The following APBB1IP variants were observed in gnomAD, a reference collection of about 807,000 sequenced individuals.
The protein encoded by APBB1IP is amyloid beta precursor protein binding family B member 1 interacting protein.
APBB1IP carries 27 observed loss-of-function variants against 64.9 expected under a neutral mutation model. The observed-to-expected ratio is 0.42, with a 90% confidence interval of 0.31 to 0.57. APBB1IP has a LOEUF of 0.57. Among genes scored for constraint, APBB1IP ranks in the 20% least tolerant of loss-of-function variants. The pLI, the probability that APBB1IP is intolerant of heterozygous loss-of-function variation, is 0.20. For missense variants in APBB1IP, 812 were observed against 845.5 expected (o/e 0.96, Z 0.49); for synonymous variants, 392 against 331.0 (o/e 1.18, Z -2.00).
intron 2 of APBB1IP, among the ~76,000 whole-genome samples, chr10:26,461,196 G>C (rs7076518): frequency 0.4 from 60,053 of 151,772 alleles, 11,985 homozygotes; most frequent in South Asian, 0.5. Flanking sequence ...AGGAAGGGAA[G>C]GAGGGAGGGA....
chr10:26,517,704 C>T (rs1366455134), intron 8 of APBB1IP, among the ~76,000 whole-genome samples: 1 of 152,218 alleles, frequency 6.6e-6, no homozygotes, highest in Non-Finnish European at 1.5e-5. Context: ...CATGCTATTG[C>T]CCATAGCACT....
chr10:26,442,215 C>G (rs1369214913), intron 2 of APBB1IP, among the ~76,000 whole-genome samples: 1 of 152,120 alleles, frequency 6.6e-6, no homozygotes, highest in East Asian at 1.9e-4. Context: ...AGAAGGAAAC[C>G]AAGCAAAGAA....
At chr10:26,444,214 T>C (rs1037248549) in intron 2 of APBB1IP, among the ~76,000 whole-genome samples, 10 of 151,994 alleles carry the variant, frequency 6.6e-5, no homozygotes, top group African/African-American at 2.4e-4. Flanking sequence ...CCCCTGTAGT[T>C]AGAGGTAAAT....
chr10:26,501,266 A>G, intron 5 of APBB1IP, 155 bp downstream of exon 5: 1 of 1,094,944 alleles, frequency 9.1e-7, no homozygotes, highest in Non-Finnish European at 1.3e-6. Flanking sequence ...CAAAGCTAGA[A>G]CCCTCCGTAA....
chr10:26,524,943 C>CTTTTTTTTTT (rs1309902109), intron 8 of APBB1IP, among the ~76,000 whole-genome samples: 1 of 64,234 alleles, frequency 1.6e-5, no homozygotes, highest in East Asian at 6.8e-4. Flanking sequence ...TTTTCTTTCT[C>CTTTTTTTTTT]TTTCTTTCTT....
intron 2 of APBB1IP, among the ~76,000 whole-genome samples, chr10:26,470,077 A>T (rs150365881): frequency 1.3e-5 from 2 of 152,212 alleles, no homozygotes; most frequent in African/African-American, 2.4e-5. Flanking sequence ...TGGATCTAAT[A>T]GTCCCTGACT....
intron 10 of APBB1IP, among the ~76,000 whole-genome samples, chr10:26,540,613 T>G (rs1247952410): frequency 6.6e-6 from 1 of 152,152 alleles, no homozygotes; most frequent in African/African-American, 2.4e-5. Flanking sequence ...TACAAGCATA[T>G]GTAAAGAAAT....
chr10:26,537,550 C>T (rs973856340), intron 10 of APBB1IP, among the ~76,000 whole-genome samples: 4 of 152,036 alleles, frequency 2.6e-5, no homozygotes, highest in South Asian at 4.1e-4. Flanking sequence ...AATTTGTTTT[C>T]GAAATGTTTA....
chr10:26,524,006 A>G (rs983891199), intron 8 of APBB1IP, among the ~76,000 whole-genome samples: 7 of 152,134 alleles, frequency 4.6e-5, no homozygotes, highest in Admixed American at 6.5e-5. Context: ...GCCAGCACTC[A>G]GAACACAGTG....
intron 8 of APBB1IP, among the ~76,000 whole-genome samples, chr10:26,513,873 C>T (rs1438477080): frequency 6.6e-6 from 1 of 152,208 alleles, no homozygotes; most frequent in Non-Finnish European, 1.5e-5. Flanking sequence ...GCTGGGACTA[C>T]AGGCATGGGC....
At chr10:26,559,601 A>G (rs1836940773) in intron 11 of APBB1IP, among the ~76,000 whole-genome samples, 1 of 151,236 alleles carries the variant, frequency 6.6e-6, no homozygotes, top group African/African-American at 2.4e-5. Context: ...ATGATAAATC[A>G]TAAAACAAAT....
chr10:26,461,694 C>T (rs1365277040), intron 2 of APBB1IP, among the ~76,000 whole-genome samples: 1 of 152,018 alleles, frequency 6.6e-6, no homozygotes, highest in African/African-American at 2.4e-5. Context: ...AAAGATGTCT[C>T]TCCCTACATT....
At chr10:26,524,461 A>G (rs546377629) in intron 8 of APBB1IP, among the ~76,000 whole-genome samples, 2 of 152,358 alleles carry the variant, frequency 1.3e-5, no homozygotes, top group Admixed American at 6.5e-5. Context: ...TTCTGAGCCA[A>G]TACGAGTGAT....
intron 2 of APBB1IP, among the ~76,000 whole-genome samples, chr10:26,465,682 G>C (rs760945450): frequency 2.0e-5 from 3 of 152,168 alleles, no homozygotes; most frequent in Admixed American, 6.5e-5. Context: ...GACATTTTGG[G>C]CATGTTTAAG....
intron 14 of APBB1IP, among the ~76,000 whole-genome samples, chr10:26,566,043 A>C (rs1837038710): frequency 6.6e-6 from 1 of 152,252 alleles, no homozygotes; most frequent in South Asian, 2.1e-4. Context: ...TCCTATGTGC[A>C]GGAATGGGTA....
At chr10:26,545,871 A>G (rs549273846) in intron 11 of APBB1IP, among the ~76,000 whole-genome samples, 18 of 151,602 alleles carry the variant, frequency 1.2e-4, no homozygotes, top group African/African-American at 3.9e-4. Context: ...AATCGCTTGA[A>G]CCCCGGGAGG....
rs1000261888 is a variant in APBB1IP, at chr10:26,438,381, C to G, written c.-277C>G. On this transcript the variant is annotated 5_prime_UTR_variant, in exon 1 of 15. Transcript: ENST00000376236. ...CATCACTAGGCCCCAATCCCTTAGTCCCTCTTGCGTCGAGGCTGCAAAATG... is the reference window on the plus strand; with the variant it reads ...CATCACTAGGCCCCAATCCCTTAGTGCCTCTTGCGTCGAGGCTGCAAAATG... 6.6e-6 allele frequency: 1 copy of G among 152,234 alleles called. No individual in the cohort carries two copies. Among genetic ancestry groups the G allele is most frequent in the Non-Finnish European group, 1.5e-5 (1 of 68,082 alleles). 9.4% of individuals were successfully genotyped at this position (152,234 alleles called of 1,614,324 possible).
intron 6 of APBB1IP, among the ~76,000 whole-genome samples, chr10:26,505,771 C>T (rs1836167450): frequency 1.4e-5 from 2 of 145,920 alleles, no homozygotes; most frequent in Non-Finnish European, 2.9e-5. Context: ...ATCCCATATT[C>T]TTTCCTTAAC....
chr10:26,500,845 G>T lies in APBB1IP; in HGVS notation c.187G>T (p.Asp63Tyr). 6.2e-6 allele frequency: 10 copies of T among 1,614,048 alleles called. No individual in the cohort carries two copies. Among genetic ancestry groups the T allele is most frequent in the Non-Finnish European group, 8.5e-6 (10 of 1,179,910 alleles). Residue 63 changes from aspartate (D) to tyrosine (Y), a missense_variant, in exon 5 of 15, where the codon GAT becomes TAT. By Grantham distance (160) the Asp-to-Tyr change is radical. Coordinates refer to ENST00000376236, the MANE Select transcript of APBB1IP (RefSeq NM_019043.4). The stretch of plus-strand genomic sequence containing the variant: ...GTCCTTAAATGCACTGGAAGACCAA[G>T]ATTTAGATGCTCTCATGGCAGATCT... The part of the protein sequence containing the change: ...NESLNALEDQ[D>Y]LDALMADLVA...
Sources: gnomAD v4.1 joint callset for allele counts (sites outside exome capture counted in the v4.1 genomes callset) on GRCh38, gnomAD v4.1.1 for gene constraint, MANE v1.5 for transcripts, NCBI Gene and HGNC (gene_info 2026-07-23, HGNC 2026-07-21) for gene names.